FAM135A: variants seen among roughly 807,000 people sequenced by gnomAD.
FAM135A encodes the protein family with sequence similarity 135 member A, also known as protein FAM135A.
Under a neutral mutation model 146.8 loss-of-function variants are expected in FAM135A, and 79 were observed. That is an observed-to-expected ratio of 0.54 (90% CI 0.45 to 0.65). The LOEUF is 0.65. FAM135A is among the 30% of genes least tolerant of loss of function. FAM135A has a pLI of 0.00. For synonymous variants in FAM135A, 562 were observed against 603.6 expected (o/e 0.93, Z 1.01); for missense variants, 1,623 against 1,758.2 (o/e 0.92, Z 1.38).
intron 5 of FAM135A, among the ~76,000 whole-genome samples, chr6:70,470,642 C>A (rs1304009889): frequency 1.3e-5 from 2 of 152,218 alleles, no homozygotes; most frequent in Non-Finnish European, 2.9e-5. Flanking sequence ...CAGGCGTGAG[C>A]CACTGCACCC....
intron 10 of FAM135A, among the ~76,000 whole-genome samples, chr6:70,485,956 A>G (rs1292693730): frequency 6.6e-6 from 1 of 152,244 alleles, no homozygotes; most frequent in African/African-American, 2.4e-5. Context: ...GACATATTGG[A>G]TTATGAAATG....
intron 4 of FAM135A, among the ~76,000 whole-genome samples, chr6:70,448,128 G>C (rs569265899): frequency 6.6e-6 from 1 of 152,238 alleles, no homozygotes; most frequent in East Asian, 1.9e-4. Context: ...GGTTATTCAA[G>C]GCGCTGCTTG....
chr6:70,508,831 C>G (rs1483272609), intron 12 of FAM135A, among the ~76,000 whole-genome samples: 2 of 152,140 alleles, frequency 1.3e-5, no homozygotes, highest in Non-Finnish European at 2.9e-5. Flanking sequence ...ATAAGTATAT[C>G]TGGTGCAACC....
chr6:70,477,116 A>G, intron 7 of FAM135A, 43 bp from the exon 8 acceptor site: 1 of 1,562,422 alleles, frequency 6.4e-7, no homozygotes, highest in Non-Finnish European at 8.7e-7. Context: ...ATTGGCGTTT[A>G]CTAAATGTTT....
At chr6:70,510,853 C>T (rs116420272) in intron 12 of FAM135A, among the ~76,000 whole-genome samples, 2,867 of 152,080 alleles carry the variant, frequency 0.019, 96 homozygotes, top group African/African-American at 0.065. Flanking sequence ...AACTGTTTTC[C>T]ACAGCAGCTG....
At chr6:70,479,389 T>C (rs1243714175) in intron 8 of FAM135A, among the ~76,000 whole-genome samples, 1 of 152,220 alleles carries the variant, frequency 6.6e-6, no homozygotes, top group Non-Finnish European at 1.5e-5. Context: ...GAGGATTAAC[T>C]GTTGGCTCTG....
intron 4 of FAM135A, among the ~76,000 whole-genome samples, chr6:70,451,781 C>T (rs532730914): frequency 1.1e-4 from 16 of 152,056 alleles, no homozygotes; most frequent in African/African-American, 3.4e-4. Flanking sequence ...CTAAACTTAT[C>T]CCTAATTTAT....
rs187034017 is a variant in FAM135A at position 70,509,662 on chromosome 6, A to T, written c.1029+6871A>T. Among the ~76,000 whole-genome samples, 465 of 152,322 alleles carry T rather than the reference A, an allele frequency of 3.1e-3. 3 individuals are homozygous for T. The highest frequency in any genetic ancestry group is 0.011 in the African/African-American group (444 of 41,592). ...TTGCTTTATAAATGTTAACTCATTT[A>T]ATCATCAGTACAATCTCATGAAGTA... On this transcript the variant is annotated intron_variant, in intron 12 of 21. Coordinates refer to ENST00000418814, the MANE Select transcript of FAM135A (RefSeq NM_001162529.3).
intron 4 of FAM135A, among the ~76,000 whole-genome samples, chr6:70,431,894 A>T (rs922170709): frequency 6.6e-6 from 1 of 152,036 alleles, no homozygotes; most frequent in African/African-American, 2.4e-5. Context: ...CCTCTGACCT[A>T]TATATAAAAT....
chr6:70,533,692 TGTTA>T, intron 17 of FAM135A, 61 bp from the exon 18 acceptor site: 2 of 936,290 alleles, frequency 2.1e-6, no homozygotes, highest in Admixed American at 2.7e-5. Flanking sequence ...ATGTTTATAT[TGTTA>T]GTTTTTCATG....
At chr6:70,509,382 A>T (rs1582643913) in intron 12 of FAM135A, among the ~76,000 whole-genome samples, 1 of 152,202 alleles carries the variant, frequency 6.6e-6, no homozygotes, top group East Asian at 1.9e-4. Context: ...TTGCCTGTTT[A>T]TGTTTTTGAT....
At chr6:70,469,908 T>C (rs1011312331) in intron 5 of FAM135A, among the ~76,000 whole-genome samples, 1 of 152,000 alleles carries the variant, frequency 6.6e-6, no homozygotes, top group East Asian at 1.9e-4. Context: ...AGAGGATCGC[T>C]TGAGCCCTGG....
chr6:70,548,493 C>T (rs1799248047), intron 20 of FAM135A, among the ~76,000 whole-genome samples: 1 of 152,114 alleles, frequency 6.6e-6, no homozygotes, highest in African/African-American at 2.4e-5. Context: ...CTAATCTTTA[C>T]TGATTTTGCC....
At chr6:70,526,995 A>G (rs772159017) in intron 15 of FAM135A, among the ~76,000 whole-genome samples, 1 of 152,032 alleles carries the variant, frequency 6.6e-6, no homozygotes, top group Non-Finnish European at 1.5e-5. Context: ...GACATTCCTG[A>G]TACAGATTTT....
chr6:70,508,167 T>C (rs756636692), intron 12 of FAM135A, among the ~76,000 whole-genome samples: 20 of 152,148 alleles, frequency 1.3e-4, no homozygotes, highest in Non-Finnish European at 2.8e-4. Flanking sequence ...ACAGCAAGCT[T>C]TATCCACCAA....
chr6:70,534,254 GATAT>G (rs1796363274), intron 18 of FAM135A, among the ~76,000 whole-genome samples: 1 of 50,186 alleles, frequency 2.0e-5, no homozygotes, highest in African/African-American at 1.5e-4. Context: ...ATATGTATAT[GATAT>G]ATGTATATGA....
rs73489072 is a variant in FAM135A at position 70,554,045 on chromosome 6, G to A, written c.4229-2705G>A. Reference sequence around the variant, plus strand: ...GGTGTTAGGCATAGTGCGTATTAAAGTGACACAAAGCTTTGTGTCAAGGTA... The same window carrying A: ...GGTGTTAGGCATAGTGCGTATTAAAATGACACAAAGCTTTGTGTCAAGGTA... On this transcript the variant is annotated intron_variant, in intron 20 of 21. Transcript: ENST00000418814. 4.1e-3 allele frequency among the ~76,000 whole-genome samples: 618 copies of A among 152,302 alleles called. 3 individuals carry two copies. The highest frequency in any genetic ancestry group is 0.014 in the African/African-American group (598 of 41,578).
At chr6:70,422,024 G>A (rs778252050) in intron 2 of FAM135A, among the ~76,000 whole-genome samples, 24 of 152,190 alleles carry the variant, frequency 1.6e-4, no homozygotes, top group Admixed American at 2.6e-4. Context: ...CATAAGTGGC[G>A]TTAAGAATCT....
intron 5 of FAM135A, among the ~76,000 whole-genome samples, chr6:70,472,656 GTAAT>G (rs1275423850): frequency 6.6e-6 from 1 of 152,088 alleles, no homozygotes; most frequent in African/African-American, 2.4e-5. Context: ...ATCATATATT[GTAAT>G]TAATTGTTAT....
Sources: allele counts gnomAD v4.1 joint callset (sites outside exome capture counted in the v4.1 genomes callset), GRCh38; gene constraint gnomAD v4.1.1; transcripts MANE v1.5; gene names NCBI Gene and HGNC (gene_info 2026-07-23, HGNC 2026-07-21).